LNX2: variants seen among roughly 807,000 people sequenced by gnomAD.
The protein encoded by LNX2 is ligand of numb-protein X 2, also known as ligand of Numb protein X 2.
In LNX2, 35 loss-of-function variants were observed where a neutral mutation model predicts 66.2. The observed-to-expected ratio is 0.53, with a 90% CI of 0.40 to 0.70. The LOEUF (loss-of-function observed/expected upper bound fraction) is 0.70, where lower values mean the gene tolerates loss of function less well. LNX2 is among the 30% of genes least tolerant of loss of function. The pLI is 0.00. For missense variants in LNX2, 791 were observed against 850.8 expected (o/e 0.93, Z 0.87); for synonymous variants, 337 against 315.6 (o/e 1.07, Z -0.72).
At chr13:27,577,488 A>G (rs1423370391) in intron 2 of LNX2, among the ~76,000 whole-genome samples, 1 of 152,144 alleles carries the variant, frequency 6.6e-6, no homozygotes, top group Non-Finnish European at 1.5e-5. Context: ...CCACACGGGA[A>G]GAAGAATAAT....
intron 1 of LNX2, among the ~76,000 whole-genome samples, chr13:27,597,848 G>C (rs1955616295): frequency 6.6e-6 from 1 of 152,070 alleles, no homozygotes; most frequent in Admixed American, 6.6e-5. Context: ...AAAGAAAAGA[G>C]AATTATAAGG....
intron 1 of LNX2, among the ~76,000 whole-genome samples, chr13:27,599,898 G>A (rs1425442334): frequency 7.2e-5 from 11 of 152,040 alleles, no homozygotes; most frequent in African/African-American, 2.7e-4. Flanking sequence ...AGAGCATTAC[G>A]CCAATCCTGA....
chr13:27,573,667 G>A (rs1037700917), intron 2 of LNX2, among the ~76,000 whole-genome samples: 2 of 152,000 alleles, frequency 1.3e-5, no homozygotes, highest in African/African-American at 2.4e-5. Flanking sequence ...CATGGAAGAC[G>A]GGGAGATTTT....
Position 27,573,992 on chromosome 13 carries a change from C to G in LNX2, c.408-4716G>C, listed in dbSNP as rs138954848. On this transcript the variant is annotated intron_variant, in intron 2 of 9. Coordinates refer to ENST00000316334, the MANE Select transcript of LNX2 (RefSeq NM_153371.4). Reference sequence around the variant, plus strand: ...AAGCCCAGGCATTAGCTTTATCAGACAATAACTTACATCAGCTATTTTAGA... The same window carrying G: ...AAGCCCAGGCATTAGCTTTATCAGAGAATAACTTACATCAGCTATTTTAGA... Among the ~76,000 whole-genome samples, 215 of 147,278 alleles carry G rather than the reference C, an allele frequency of 1.5e-3. 1 individual carries two copies. The highest frequency in any genetic ancestry group is 5.0e-3 in the African/African-American group (202 of 40,398).
rs1026721020 is a variant in LNX2 at position 27,547,108 on chromosome 13, C to T, written c.*1227G>A. ...ACCTGAACAAAATAAAAAGGTCTCCCTTTCTCCTACTTAGCTGTGATATAT... is the reference window on the plus strand; with the variant it reads ...ACCTGAACAAAATAAAAAGGTCTCCTTTTCTCCTACTTAGCTGTGATATAT... On this transcript the variant is annotated 3_prime_UTR_variant, in exon 10 of 10. Coordinates refer to ENST00000316334, the MANE Select transcript of LNX2 (RefSeq NM_153371.4). The T allele has an allele frequency of 2.4e-4, 36 of 152,114 alleles. No homozygotes were observed. Among genetic ancestry groups the T allele is most frequent in the African/African-American group, 7.7e-4 (32 of 41,440 alleles). The allele number at this position is 152,114 out of a possible 1,614,324, so 9.4% of individuals were successfully genotyped here.
intron 1 of LNX2, among the ~76,000 whole-genome samples, chr13:27,583,563 A>G (rs1270679409): frequency 6.6e-6 from 1 of 151,998 alleles, no homozygotes; most frequent in Non-Finnish European, 1.5e-5. Context: ...GCCCTCCAAT[A>G]TAACTCTTAG....
chr13:27,590,125 T>C (rs912944966), intron 1 of LNX2, among the ~76,000 whole-genome samples: 1 of 152,188 alleles, frequency 6.6e-6, no homozygotes, highest in Non-Finnish European at 1.5e-5. Context: ...AATTTTTTTG[T>C]ATTTTTAGTA....
rs748992209 is a variant in LNX2 at position 27,581,477 on chromosome 13, T to C, written c.227A>G (p.Asn76Ser). The change falls in exon 2 of 10, where the codon AAC (asparagine) becomes AGC (serine). Residue 76 changes from asparagine to serine, a missense_variant. Physicochemically the swap from Asn to Ser is conservative, Grantham distance 46 (BLOSUM62 1). Transcript: ENST00000316334. ...ACAGAAATCTTTCTCTTGTAAAAAGTTTCTGAGGCACTTGTAGCAGAATGT... is the reference window on the plus strand; with the variant it reads ...ACAGAAATCTTTCTCTTGTAAAAAGCTTCTGAGGCACTTGTAGCAGAATGT... ...GHTFCYKCLR[N>S]FLQEKDFCPL... 3 of 1,611,232 alleles carry C rather than the reference T, an allele frequency of 1.9e-6. No individual in the cohort carries two copies. The African/African-American group carries it at 4.0e-5, about 22-fold the overall frequency.
At chr13:27,599,689 C>T (rs763067060) in intron 1 of LNX2, among the ~76,000 whole-genome samples, 3 of 152,122 alleles carry the variant, frequency 2.0e-5, no homozygotes, top group Non-Finnish European at 2.9e-5. Context: ...AGAATAGCAC[C>T]TGTACTTTGG....
At chr13:27,604,968 AG>A (rs1323110375) in intron 1 of LNX2, among the ~76,000 whole-genome samples, 1 of 151,932 alleles carries the variant, frequency 6.6e-6, no homozygotes, top group Non-Finnish European at 1.5e-5. Flanking sequence ...AGAACCATGT[AG>A]GTAAATATCT....
In LNX2 at chr13:27,556,287, T is replaced by A; in HGVS notation, c.1495A>T (p.Thr499Ser). 2.5e-6 allele frequency: 4 copies of A among 1,614,048 alleles called. No individual in the cohort carries two copies. The highest frequency in any genetic ancestry group is 3.4e-6 in the Non-Finnish European group (4 of 1,179,962). Residue 499 changes from threonine to serine, a missense_variant, in exon 7 of 10, where the codon ACC (threonine) becomes TCC (serine). By Grantham distance (58) the Thr-to-Ser change is moderately conservative (BLOSUM62 1). Transcript: ENST00000316334. The stretch of plus-strand genomic sequence containing the variant: ...AGGCAGCCATGGGGTGGCACACTGG[T>A]CACAAAGATGGGCAGCTCACCACTC... ...SKSGELPIFV[T>S]SVPPHGCLAR...
At chr13:27,612,982 G>C (rs141735314) in intron 1 of LNX2, among the ~76,000 whole-genome samples, 259 of 152,304 alleles carry the variant, frequency 1.7e-3, no homozygotes, top group African/African-American at 4.7e-3. Context: ...CTCAGTGTCA[G>C]AGCACTCAGT....
intron 4 of LNX2, 47 bp downstream of exon 4, chr13:27,567,593 G>T: frequency 6.5e-7 from 1 of 1,527,848 alleles, no homozygotes; most frequent in Non-Finnish European, 9.1e-7. Flanking sequence ...TAAGTGTTAA[G>T]AATGGAACAA....
intron 1 of LNX2, among the ~76,000 whole-genome samples, chr13:27,617,348 C>T (rs1213780064): frequency 6.6e-6 from 1 of 152,106 alleles, no homozygotes; most frequent in Non-Finnish European, 1.5e-5. Flanking sequence ...TGAAATGAGA[C>T]CTGTGATTCT....
At chr13:27,612,801 G>C (rs1052043076) in intron 1 of LNX2, among the ~76,000 whole-genome samples, 1 of 152,156 alleles carries the variant, frequency 6.6e-6, no homozygotes, top group African/African-American at 2.4e-5. Context: ...TGTTGCCCAG[G>C]CTAGGCTCAA....
At chr13:27,611,199 G>A (rs1955768691) in intron 1 of LNX2, among the ~76,000 whole-genome samples, 1 of 152,176 alleles carries the variant, frequency 6.6e-6, no homozygotes, top group South Asian at 2.1e-4. Context: ...AGAGGTAGAA[G>A]GAACCCAAAT....
chr13:27,575,811 T>G (rs193129465), intron 2 of LNX2, among the ~76,000 whole-genome samples: 278 of 152,290 alleles, frequency 1.8e-3, no homozygotes, highest in Non-Finnish European at 2.2e-3. Context: ...ACTAGGATGT[T>G]AATTGTAAGC....
intron 1 of LNX2, among the ~76,000 whole-genome samples, chr13:27,585,466 T>TA (rs890453776): frequency 4.1e-4 from 61 of 150,434 alleles, no homozygotes; most frequent in Middle Eastern, 3.4e-3. Context: ...ATAAAAATAA[T>TA]AAAAAAAAAT....
chr13:27,598,771 G>A lies in LNX2; in HGVS notation c.-100-16968C>T, dbSNP rs1168591714. ...CTTACAGTATAGTAAATATAAGCAG[G>A]CTGCACAAACCAAAATATATACATA... On this transcript the variant is annotated intron_variant, in intron 1 of 9. Coordinates refer to ENST00000316334, the MANE Select transcript of LNX2 (RefSeq NM_153371.4). Among the ~76,000 whole-genome samples the A allele has an allele frequency of 3.3e-5, 5 of 151,990 alleles. No individual in the cohort carries two copies. In the East Asian group the frequency reaches 9.6e-4, roughly 29 times the overall value.
Sources: allele counts gnomAD v4.1 joint callset (sites outside exome capture counted in the v4.1 genomes callset), GRCh38; gene constraint gnomAD v4.1.1; transcripts MANE v1.5; gene names NCBI Gene and HGNC (gene_info 2026-07-23, HGNC 2026-07-21).